The following DLG2 variants were observed in gnomAD, a reference collection of about 807,000 sequenced individuals.
DLG2 encodes the protein disks large homolog 2.
A neutral mutation model predicts 132.5 loss-of-function variants in DLG2; 45 were observed. That is an observed-to-expected ratio of 0.34 (90% CI 0.27 to 0.44). The LOEUF is 0.44. Among genes scored for constraint, DLG2 ranks in the 20% least tolerant of loss-of-function variants. The pLI is 1.00. For synonymous variants in DLG2, 424 were observed against 419.6 expected, an observed-to-expected ratio of 1.01 and a Z score of -0.13; for missense variants, 1,045 against 1,196.9, an observed-to-expected ratio of 0.87 and a Z score of 1.87.
chr11:84,747,259 C>A (rs191144470), intron 6 of DLG2, among the ~76,000 whole-genome samples: 103 of 152,144 alleles, frequency 6.8e-4, no homozygotes, highest in African/African-American at 2.2e-3. Flanking sequence ...TATTAGAAAA[C>A]AATATTACTA....
chr11:84,306,272 T>G (rs1336210720), intron 7 of DLG2, among the ~76,000 whole-genome samples: 2 of 152,176 alleles, frequency 1.3e-5, no homozygotes, highest in Non-Finnish European at 2.9e-5. Flanking sequence ...AATTATTATT[T>G]GTCAATTAAA....
At chr11:84,774,808 G>T (rs183820355) in intron 6 of DLG2, among the ~76,000 whole-genome samples, 1 of 151,028 alleles carries the variant, frequency 6.6e-6, no homozygotes, top group African/African-American at 2.4e-5. Context: ...TGATTTAAAT[G>T]TAAGACCTTA....
rs141226187 is a variant in DLG2 at position 84,273,298 on chromosome 11, T to A, written c.520-22007A>T. On this transcript the variant is annotated intron_variant, in intron 7 of 27. Coordinates refer to ENST00000376104, the MANE Select transcript of DLG2 (RefSeq NM_001142699.3). ...CTCAAACTGAGCTCACAGAACCCAG[T>A]TGAAGAGGAAAAAAAAAAAAAAAAA... is the stretch of plus-strand genomic sequence containing the variant. 3.7e-3 allele frequency: 4,919 copies of A among 1,337,396 alleles called. 63 individuals carry two copies. Among genetic ancestry groups the A allele is most frequent in the Middle Eastern group, 0.032 (157 of 4,894 alleles). The allele number at this position is 1,337,396 out of a possible 1,614,324, so 82.8% of individuals were successfully genotyped here.
At chr11:85,271,707 A>T (rs1370443387) in intron 4 of DLG2, among the ~76,000 whole-genome samples, 1 of 152,208 alleles carries the variant, frequency 6.6e-6, no homozygotes, top group Admixed American at 6.5e-5. Context: ...TTAAGATTTG[A>T]CTGCACTGCT....
intron 8 of DLG2, among the ~76,000 whole-genome samples, chr11:84,220,868 A>T (rs1355036577): frequency 9.1e-3 from 4 of 440 alleles, no homozygotes; most frequent in Non-Finnish European, 0.019. Context: ...CGCAGTTTTC[A>T]CCTCCAGGCT....
intron 8 of DLG2, among the ~76,000 whole-genome samples, chr11:84,193,647 C>A (rs1045018913): frequency 6.6e-6 from 1 of 152,192 alleles, no homozygotes; most frequent in Non-Finnish European, 1.5e-5. Context: ...ACCTAAGAAA[C>A]ATCACAGTTT....
chr11:85,140,712 C>A (rs2076412728), intron 5 of DLG2, among the ~76,000 whole-genome samples: 1 of 151,420 alleles, frequency 6.6e-6, no homozygotes, highest in Non-Finnish European at 1.5e-5. Flanking sequence ...ATTAACCATC[C>A]CCACTTTTCC....
intron 18 of DLG2, among the ~76,000 whole-genome samples, chr11:83,758,681 A>T (rs1036532744): frequency 6.6e-6 from 1 of 152,198 alleles, no homozygotes; most frequent in African/African-American, 2.4e-5. Context: ...AAATGCATGC[A>T]ATCTGCTTAG....
At chr11:83,663,580 C>T (rs572797386) in intron 18 of DLG2, among the ~76,000 whole-genome samples, 1 of 152,274 alleles carries the variant, frequency 6.6e-6, no homozygotes, top group Admixed American at 6.5e-5. Context: ...TAGAAGCTTG[C>T]CAAGTATTAA....
At chr11:84,160,693 T>C (rs930056534) in intron 9 of DLG2, among the ~76,000 whole-genome samples, 58 of 152,142 alleles carry the variant, frequency 3.8e-4, no homozygotes, top group African/African-American at 1.4e-3. Flanking sequence ...GGGCTTGATA[T>C]TGCAGAAGAG....
chr11:83,944,084 A>C (rs1276200102), intron 14 of DLG2, among the ~76,000 whole-genome samples: 1 of 152,150 alleles, frequency 6.6e-6, no homozygotes, highest in Non-Finnish European at 1.5e-5. Context: ...TCTTGACATA[A>C]ATTCTTCCCT....
chr11:83,775,343 C>T (rs1307532276), intron 18 of DLG2, among the ~76,000 whole-genome samples: 1 of 152,130 alleles, frequency 6.6e-6, no homozygotes, highest in Non-Finnish European at 1.5e-5. Context: ...CAGGATGGTG[C>T]ACGGGTTGTT....
intron 18 of DLG2, among the ~76,000 whole-genome samples, chr11:83,697,756 AG>A (rs1288706082): frequency 6.6e-6 from 1 of 152,208 alleles, no homozygotes; most frequent in African/African-American, 2.4e-5. Flanking sequence ...ATAAAATTAA[AG>A]GTGCTAACAA....
intron 11 of DLG2, among the ~76,000 whole-genome samples, chr11:84,042,442 T>A (rs951406356): frequency 6.6e-6 from 1 of 151,898 alleles, no homozygotes; most frequent in Non-Finnish European, 1.5e-5. Flanking sequence ...CAGATTTTCT[T>A]GCATAAAATT....
At chr11:83,459,991 T>C in intron 27 of DLG2, 67 bp from the exon 28 acceptor site, 1 of 879,896 alleles carries the variant, frequency 1.1e-6, no homozygotes, top group South Asian at 1.6e-5. Flanking sequence ...CAATCATCAC[T>C]TACACATTGG....
intron 6 of DLG2, among the ~76,000 whole-genome samples, chr11:84,898,594 T>C (rs541798524): frequency 6.6e-6 from 1 of 151,962 alleles, no homozygotes; most frequent in Non-Finnish European, 1.5e-5. Context: ...TCCCACTTAA[T>C]ATTTCTGGAA....
intron 6 of DLG2, among the ~76,000 whole-genome samples, chr11:84,780,757 A>G (rs1597971157): frequency 6.6e-6 from 1 of 152,150 alleles, no homozygotes; most frequent in Non-Finnish European, 1.5e-5. Context: ...TAGCTCCAAT[A>G]TACACATTTA....
intron 3 of DLG2, among the ~76,000 whole-genome samples, chr11:85,434,923 T>C (rs2091394897): frequency 6.6e-6 from 1 of 152,180 alleles, no homozygotes; most frequent in Non-Finnish European, 1.5e-5. Flanking sequence ...AAATCCTCTA[T>C]AAAATACTGG....
intron 3 of DLG2, among the ~76,000 whole-genome samples, chr11:85,322,358 C>T (rs2081132588): frequency 1.3e-5 from 2 of 152,110 alleles, no homozygotes; most frequent in African/African-American, 2.4e-5. Context: ...TACAGGAAAT[C>T]CTCAATCTTG....
Sources: allele counts gnomAD v4.1 joint callset (sites outside exome capture counted in the v4.1 genomes callset), GRCh38; gene constraint gnomAD v4.1.1; transcripts MANE v1.5; gene names NCBI Gene and HGNC (gene_info 2026-07-23, HGNC 2026-07-21).